The following TMEM178B variants were observed in gnomAD, a reference collection of about 807,000 sequenced individuals.
TMEM178B encodes transmembrane protein 178B.
In TMEM178B, 5 loss-of-function variants were observed where a neutral mutation model predicts 31.0. The ratio of observed to expected loss-of-function variants is 0.16; its 90% CI spans 0.08 to 0.34. TMEM178B has a LOEUF of 0.34. Ranked by LOEUF, TMEM178B falls within the 10% of genes least tolerant of loss-of-function variation. The pLI is 1.00. For synonymous variants in TMEM178B, 164 were observed against 164.0 expected (o/e 1.00, Z 0.00); for missense variants, 275 against 400.3 (o/e 0.69, Z 2.67).
chr7:141,120,787 C>T (rs1032807056), intron 1 of TMEM178B, among the ~76,000 whole-genome samples: 1 of 150,700 alleles, frequency 6.6e-6, no homozygotes, highest in African/African-American at 2.4e-5. Flanking sequence ...AAGACCCTAT[C>T]TCTACAAAAA....
At chr7:141,398,366 G>A in intron 2 of TMEM178B, among the ~76,000 whole-genome samples, 1 of 152,240 alleles carries the variant, frequency 6.6e-6, no homozygotes. Context: ...CTGTTTTGCT[G>A]TGCTGCTTGG....
chr7:141,383,904 G>T (rs562519424), intron 2 of TMEM178B, among the ~76,000 whole-genome samples: 6 of 152,054 alleles, frequency 3.9e-5, no homozygotes, highest in Non-Finnish European at 8.8e-5. Context: ...TTTAATGATC[G>T]CCATTCTAAC....
At chr7:141,492,113 T>A in the TMEM178B span, among the ~76,000 whole-genome samples, 20 of 152,248 alleles carry the variant, frequency 1.3e-4, no homozygotes, top group African/African-American at 4.8e-4. Context: ...TCTGCCTACC[T>A]CTCCTTAACG....
intron 2 of TMEM178B, among the ~76,000 whole-genome samples, chr7:141,251,421 GT>G (rs1348863773): frequency 6.6e-6 from 1 of 152,038 alleles, no homozygotes; most frequent in Admixed American, 6.6e-5. Flanking sequence ...GTACTAGGCA[GT>G]TTGGGGGAAC....
At chr7:141,305,619 C>T (rs1349898070) in intron 2 of TMEM178B, among the ~76,000 whole-genome samples, 1 of 151,788 alleles carries the variant, frequency 6.6e-6, no homozygotes, top group Non-Finnish European at 1.5e-5. Context: ...ATTTTTAGTA[C>T]AGATGGGGTT....
chr7:141,251,692 T>C (rs2116339824), intron 2 of TMEM178B, among the ~76,000 whole-genome samples: 1 of 152,290 alleles, frequency 6.6e-6, no homozygotes, highest in Middle Eastern at 3.4e-3. Flanking sequence ...CCAGGTATAC[T>C]TTATCCACCC....
At chr7:141,102,039 A>G (rs1026577875) in intron 1 of TMEM178B, among the ~76,000 whole-genome samples, 1 of 152,082 alleles carries the variant, frequency 6.6e-6, no homozygotes, top group Non-Finnish European at 1.5e-5. Context: ...AGACTCAGCG[A>G]AAAACAGGGA....
At chr7:141,207,123 A>T (rs1312667809) in intron 1 of TMEM178B, among the ~76,000 whole-genome samples, 1 of 152,182 alleles carries the variant, frequency 6.6e-6, no homozygotes, top group Non-Finnish European at 1.5e-5. Context: ...CCTTCTTTTT[A>T]AAGACCGATT....
chr7:141,433,708 C>A (rs1365683348), intron 2 of TMEM178B, among the ~76,000 whole-genome samples: 12 of 152,196 alleles, frequency 7.9e-5, no homozygotes, highest in Admixed American at 5.2e-4. Context: ...TATGTAATTT[C>A]TTTGGATATT....
intron 2 of TMEM178B, among the ~76,000 whole-genome samples, chr7:141,346,662 T>A (rs1586905437): frequency 6.6e-6 from 1 of 152,178 alleles, no homozygotes; most frequent in East Asian, 1.9e-4. Flanking sequence ...CTTTGCTTTT[T>A]TTTTTGGAGT....
intron 1 of TMEM178B, among the ~76,000 whole-genome samples, chr7:141,127,482 A>G (rs980539007): frequency 1.2e-4 from 18 of 152,202 alleles, no homozygotes; most frequent in African/African-American, 4.3e-4. Flanking sequence ...AGGCCACAGA[A>G]GTACAGAGAC....
chr7:141,126,588 A>G (rs1304616599), intron 1 of TMEM178B, among the ~76,000 whole-genome samples: 1 of 152,186 alleles, frequency 6.6e-6, no homozygotes, highest in African/African-American at 2.4e-5. Flanking sequence ...TAGTAAGTGG[A>G]AAACCACTGG....
At position 141,117,293 on chromosome 7, in the gene TMEM178B, G is replaced by T. The variant is rs983826832; in HGVS notation, c.382+42601G>T. The stretch of plus-strand genomic sequence containing the variant: ...ATGATGAGCTTTTTTTCATATGTTT[G>T]TTGACCACATAAATGTCTTCTTTTG... On this transcript the variant is annotated intron_variant, in intron 1 of 3. Coordinates refer to ENST00000565468, the MANE Select transcript of TMEM178B (RefSeq NM_001195278.2). Among the ~76,000 whole-genome samples, 5 of 152,032 alleles carry T rather than the reference G, an allele frequency of 3.3e-5. No individual in the cohort carries two copies. The South Asian group carries it at 6.2e-4, about 19-fold the overall frequency.
intron 1 of TMEM178B, among the ~76,000 whole-genome samples, chr7:141,116,225 T>C (rs566451452): frequency 6.6e-6 from 1 of 152,258 alleles, no homozygotes; most frequent in Non-Finnish European, 1.5e-5. Flanking sequence ...GACAATTTGG[T>C]GTTCTTTGTG....
In TMEM178B at chr7:141,171,769, G is replaced by T. The variant is rs1013134757; in HGVS notation, c.383-40822G>T. On this transcript the variant is annotated intron_variant, in intron 1 of 3. Transcript: ENST00000565468. The surrounding 1 kb of genome is among the most constrained non-coding windows in gnomAD (Gnocchi z 4.3). ...AGGCAGTGTGAACATGTGCAAATGT[G>T]GGCCAGCTTAACACCATGAACCCAG... Among the ~76,000 whole-genome samples the T allele has an allele frequency of 6.6e-6, 1 of 152,166 alleles. No homozygotes were observed. Among genetic ancestry groups the T allele is most frequent in the South Asian group, 2.1e-4 (1 of 4,820 alleles).
intron 2 of TMEM178B, among the ~76,000 whole-genome samples, chr7:141,272,166 G>T (rs1798195679): frequency 1.3e-5 from 2 of 152,136 alleles, no homozygotes; most frequent in African/African-American, 4.8e-5. Flanking sequence ...TACCAGTTGA[G>T]TGGCACATTT....
the TMEM178B span, among the ~76,000 whole-genome samples, chr7:141,496,669 CAAA>C: frequency 6.0e-4 from 20 of 33,248 alleles, no homozygotes; most frequent in African/African-American, 2.1e-3. Flanking sequence ...GACTCCGTCT[CAAA>C]AAAAAAAAAA....
At chr7:141,410,572 G>A (rs1285092702) in intron 2 of TMEM178B, among the ~76,000 whole-genome samples, 3 of 146,092 alleles carry the variant, frequency 2.1e-5, no homozygotes, top group South Asian at 2.2e-4. Context: ...TCTTTCCCAG[G>A]TCAGGGTAAT....
intron 1 of TMEM178B, among the ~76,000 whole-genome samples, chr7:141,181,573 G>T (rs1296520531): frequency 6.6e-6 from 1 of 152,174 alleles, no homozygotes; most frequent in East Asian, 1.9e-4. Flanking sequence ...CCCTAGTTCT[G>T]CCATTAACAT....
Sources: allele counts gnomAD v4.1 joint callset (sites outside exome capture counted in the v4.1 genomes callset), GRCh38; gene constraint gnomAD v4.1.1; non-coding constraint Gnocchi (gnomAD v3.1); transcripts MANE v1.5; gene names NCBI Gene and HGNC (gene_info 2026-07-23, HGNC 2026-07-21).